NCK2: variants seen among roughly 807,000 people sequenced by gnomAD.
NCK2 encodes the protein cytoplasmic protein NCK2.
NCK2 carries 16 observed loss-of-function variants against 33.9 expected under a neutral mutation model. The observed-to-expected ratio is 0.47, with a 90% CI of 0.32 to 0.72. The LOEUF is 0.72. NCK2 is among the 30% of genes least tolerant of loss of function. The pLI, the probability that NCK2 is intolerant of heterozygous loss-of-function variation, is 0.03. For synonymous variants in NCK2, 273 were observed against 239.9 expected, an observed-to-expected ratio of 1.14 and a Z score of -1.27; for missense variants, 418 against 537.3, an observed-to-expected ratio of 0.78 and a Z score of 2.19.
chr2:105,765,036 G>A (rs1401988920), intron 1 of NCK2, among the ~76,000 whole-genome samples: 1 of 146,942 alleles, frequency 6.8e-6, no homozygotes, highest in African/African-American at 2.5e-5. Context: ...TTTTTTTTTA[G>A]TGTAAATTCC....
intron 1 of NCK2, among the ~76,000 whole-genome samples, chr2:105,768,923 A>G (rs1690036030): frequency 6.6e-6 from 1 of 152,144 alleles, no homozygotes; most frequent in African/African-American, 2.4e-5. Flanking sequence ...GGCTCCCCAC[A>G]TCCCATTTTT....
chr2:105,808,809 T>G (rs1366309722), intron 1 of NCK2, among the ~76,000 whole-genome samples: 1 of 152,158 alleles, frequency 6.6e-6, no homozygotes, highest in East Asian at 1.9e-4. Flanking sequence ...GAGCTTTATA[T>G]TAAGGAATTG....
intron 1 of NCK2, among the ~76,000 whole-genome samples, chr2:105,764,390 C>T (rs1298564336): frequency 6.6e-6 from 1 of 152,224 alleles, no homozygotes; most frequent in East Asian, 1.9e-4. Context: ...ACATGTTTAT[C>T]GCCGGCCACC....
At chr2:105,750,037 A>AC (rs1553449506) in intron 1 of NCK2, among the ~76,000 whole-genome samples, 58 of 144,552 alleles carry the variant, frequency 4.0e-4, no homozygotes, top group African/African-American at 1.4e-3. Context: ...AAAGCAAACA[A>AC]ACACACACAC....
intron 1 of NCK2, among the ~76,000 whole-genome samples, chr2:105,756,098 A>G (rs1558822438): frequency 6.6e-6 from 1 of 152,146 alleles, no homozygotes; most frequent in Non-Finnish European, 1.5e-5. Context: ...TTTTTTCTTT[A>G]AAACAGGCCC....
chr2:105,745,459 C>T (rs1309575544), intron 1 of NCK2, among the ~76,000 whole-genome samples: 1 of 151,892 alleles, frequency 6.6e-6, no homozygotes, highest in Non-Finnish European at 1.5e-5. Flanking sequence ...CTGCGGGGCC[C>T]GGGGACTGGA....
At chr2:105,822,875 C>G (rs1675796185) in intron 2 of NCK2, among the ~76,000 whole-genome samples, 1 of 152,030 alleles carries the variant, frequency 6.6e-6, no homozygotes, top group Admixed American at 6.5e-5. Context: ...AGGTTACTTT[C>G]CTTGCCTAGT....
chr2:105,876,544 C>G (rs1484150129), intron 3 of NCK2, among the ~76,000 whole-genome samples: 1 of 152,200 alleles, frequency 6.6e-6, no homozygotes, highest in Non-Finnish European at 1.5e-5. Context: ...GGCTTCCAGT[C>G]TGCCATGTTC....
chr2:105,885,967 GTT>G (rs1678706666), intron 4 of NCK2, among the ~76,000 whole-genome samples: 1 of 152,090 alleles, frequency 6.6e-6, no homozygotes, highest in South Asian at 2.1e-4. Context: ...TATTTGCTGT[GTT>G]TCTGCTGATG....
chr2:105,794,488 A>T (rs1395010831), intron 1 of NCK2, among the ~76,000 whole-genome samples: 4 of 152,150 alleles, frequency 2.6e-5, no homozygotes, highest in African/African-American at 9.6e-5. Context: ...CCACCAATAT[A>T]ATTGCAAACC....
chr2:105,759,608 G>A (rs905057337), intron 1 of NCK2, among the ~76,000 whole-genome samples: 2 of 152,122 alleles, frequency 1.3e-5, no homozygotes, highest in South Asian at 2.1e-4. Flanking sequence ...CACATCTTAC[G>A]TTACTATAGT....
intron 1 of NCK2, among the ~76,000 whole-genome samples, chr2:105,807,941 GT>G (rs1333527510): frequency 6.7e-6 from 1 of 148,454 alleles, no homozygotes; most frequent in Admixed American, 6.9e-5. Context: ...GTCTCCCTCT[GT>G]TGCCAGGCTG....
rs1420305306 is a variant in NCK2 at position 105,805,249 on chromosome 2, G to C, written c.-200-11181G>C. On this transcript the variant is annotated intron_variant, in intron 1 of 4. Coordinates refer to ENST00000233154, the MANE Select transcript of NCK2 (RefSeq NM_003581.5). Reference sequence around the variant, plus strand: ...TGGCATTGGGAAGCTGAGGTGCAAAGATGTTCCCAGTACGGGGAGGAAATA... The same window carrying C: ...TGGCATTGGGAAGCTGAGGTGCAAACATGTTCCCAGTACGGGGAGGAAATA... Among the ~76,000 whole-genome samples, 3 of 152,342 alleles carry C rather than the reference G, an allele frequency of 2.0e-5. No individual in the cohort carries two copies. The East Asian group carries it at 5.8e-4, about 29-fold the overall frequency.
chr2:105,853,402 G>T (rs970704415), intron 2 of NCK2, among the ~76,000 whole-genome samples: 1 of 151,982 alleles, frequency 6.6e-6, no homozygotes, highest in African/African-American at 2.4e-5. Flanking sequence ...TTTTCATTTT[G>T]GAAAAATGTT....
intron 1 of NCK2, among the ~76,000 whole-genome samples, chr2:105,746,728 G>A (rs1317457472): frequency 1.3e-5 from 2 of 152,218 alleles, no homozygotes; most frequent in Non-Finnish European, 2.9e-5. Context: ...GTGTTAACCT[G>A]CTTGTGAAGA....
At chr2:105,762,573 G>C (rs1272297398) in intron 1 of NCK2, among the ~76,000 whole-genome samples, 2 of 152,016 alleles carry the variant, frequency 1.3e-5, no homozygotes, top group Non-Finnish European at 2.9e-5. Flanking sequence ...TGAACTTTGG[G>C]GTGGGAAAAA....
At chr2:105,832,859 A>ATTTTGTTTCGTTTCGT (rs1209903805) in intron 2 of NCK2, among the ~76,000 whole-genome samples, 7 of 128,872 alleles carry the variant, frequency 5.4e-5, no homozygotes, top group Non-Finnish European at 8.4e-5. Flanking sequence ...TTTTTTTTTT[A>ATTTTGTTTCGTTTCGT]TTTTGTTTCG....
chr2:105,772,421 A>G (rs1037587503), intron 1 of NCK2, among the ~76,000 whole-genome samples: 6 of 152,102 alleles, frequency 3.9e-5, no homozygotes, highest in African/African-American at 7.2e-5. Context: ...GAATGTGGGC[A>G]TAGTCCTGGG....
In NCK2 at chr2:105,894,216, C is replaced by A. The variant is rs1469291007; in HGVS notation, c.*1040C>A. Reference sequence around the variant, plus strand: ...GATTGAAGAAGGGGTCTTGAGATCCCCTAAACTTGCATACCCAGTTTTTTG... The same window carrying A: ...GATTGAAGAAGGGGTCTTGAGATCCACTAAACTTGCATACCCAGTTTTTTG... On this transcript the variant is annotated 3_prime_UTR_variant, in exon 5 of 5. Transcript: ENST00000233154. The A allele has an allele frequency of 1.3e-5, 2 of 152,384 alleles. No individual in the cohort carries two copies. Among genetic ancestry groups the A allele is most frequent in the South Asian group, 4.2e-4 (2 of 4,804 alleles). 9.4% of individuals were successfully genotyped at this position (152,384 alleles called of 1,614,324 possible).
Sources: allele counts gnomAD v4.1 joint callset (sites outside exome capture counted in the v4.1 genomes callset), GRCh38; gene constraint gnomAD v4.1.1; transcripts MANE v1.5; gene names NCBI Gene and HGNC (gene_info 2026-07-23, HGNC 2026-07-21).